The following RPS6KA2 variants were observed in gnomAD, a reference collection of about 807,000 sequenced individuals.
RPS6KA2 encodes ribosomal protein S6 kinase alpha-2.
RPS6KA2 carries 42 observed loss-of-function variants against 91.8 expected under a neutral mutation model. That is an observed-to-expected ratio of 0.46 (90% CI 0.36 to 0.59). The LOEUF (loss-of-function observed/expected upper bound fraction) is 0.59. Ranked by LOEUF, RPS6KA2 falls within the 20% of genes least tolerant of loss-of-function variation. RPS6KA2 has a pLI of 0.00. For missense variants in RPS6KA2, 798 were observed against 978.5 expected, an observed-to-expected ratio of 0.82 and a Z score of 2.46; for synonymous variants, 414 against 393.6, an observed-to-expected ratio of 1.05 and a Z score of -0.61.
At chr6:166,671,344 G>A (rs1583004869) in intron 2 of RPS6KA2, among the ~76,000 whole-genome samples, 1 of 152,082 alleles carries the variant, frequency 6.6e-6, no homozygotes, top group Non-Finnish European at 1.5e-5. Flanking sequence ...AACAAGACAC[G>A]CCAACCTGTG....
At chr6:166,644,816 G>T (rs961511433) in intron 2 of RPS6KA2, among the ~76,000 whole-genome samples, 1 of 152,128 alleles carries the variant, frequency 6.6e-6, no homozygotes, top group Non-Finnish European at 1.5e-5. Flanking sequence ...TTAACATGAG[G>T]TCATAATTGG....
chr6:166,518,444 T>G (rs188011439), intron 3 of RPS6KA2, among the ~76,000 whole-genome samples: 1 of 151,742 alleles, frequency 6.6e-6, no homozygotes, highest in Non-Finnish European at 1.5e-5. Context: ...CAAAAAAATA[T>G]GATTATCTTA....
chr6:166,441,707 C>T (rs993279118), intron 14 of RPS6KA2, among the ~76,000 whole-genome samples: 3 of 152,266 alleles, frequency 2.0e-5, no homozygotes, highest in Admixed American at 2.0e-4. Context: ...CAAGATGTAG[C>T]TTCTGCAACA....
intron 2 of RPS6KA2, among the ~76,000 whole-genome samples, chr6:166,793,881 C>G (rs1453666457): frequency 2.6e-4 from 39 of 151,376 alleles, no homozygotes; most frequent in Non-Finnish European, 3.8e-4. Context: ...TTAAATGCTA[C>G]ACCTAAAACC....
At chr6:166,791,312 T>C (rs1779081459) in intron 2 of RPS6KA2, among the ~76,000 whole-genome samples, 1 of 152,118 alleles carries the variant, frequency 6.6e-6, no homozygotes, top group Admixed American at 6.5e-5. Flanking sequence ...CAAGAAGAGC[T>C]AACTATCCTA....
chr6:166,789,952 C>T lies in RPS6KA2; in HGVS notation c.123+68248G>A, dbSNP rs1302491398. 5.9e-5 allele frequency among the ~76,000 whole-genome samples: 9 copies of T among 152,268 alleles called. No homozygotes were observed. In the East Asian group the frequency reaches 7.7e-4, roughly 13 times the overall value. On this transcript the variant is annotated intron_variant, in intron 2 of 21. Transcript: ENST00000503859. ...AAACTGGAAACTCTAAAAAGCAGAGCGCCTCTCCTCCTCCAAAGGAATGCA... is the reference window on the plus strand; with the variant it reads ...AAACTGGAAACTCTAAAAAGCAGAGTGCCTCTCCTCCTCCAAAGGAATGCA...
chr6:166,832,741 T>G (rs1259058777), intron 2 of RPS6KA2, among the ~76,000 whole-genome samples: 1 of 152,342 alleles, frequency 6.6e-6, no homozygotes, highest in Middle Eastern at 3.4e-3. Context: ...TAATTTGATC[T>G]AACTGGGGAA....
intron 2 of RPS6KA2, among the ~76,000 whole-genome samples, chr6:166,789,043 G>C (rs1779006779): frequency 6.6e-6 from 1 of 152,164 alleles, no homozygotes; most frequent in Non-Finnish European, 1.5e-5. Flanking sequence ...CCGTGCGCGA[G>C]CTGAAGCAGG....
intron 12 of RPS6KA2, among the ~76,000 whole-genome samples, chr6:166,456,019 G>A (rs113700730): frequency 7.0e-4 from 107 of 152,350 alleles, no homozygotes; most frequent in African/African-American, 2.5e-3. Flanking sequence ...AGTGTGTGCG[G>A]GGGTGGGGGC....
intron 11 of RPS6KA2, among the ~76,000 whole-genome samples, chr6:166,462,676 G>A (rs1365565918): frequency 6.6e-6 from 1 of 152,178 alleles, no homozygotes; most frequent in African/African-American, 2.4e-5. Flanking sequence ...CTAAGCCCAG[G>A]TAGTCCCGTA....
At chr6:166,725,656 G>C (rs1182902845) in intron 2 of RPS6KA2, among the ~76,000 whole-genome samples, 1 of 152,262 alleles carries the variant, frequency 6.6e-6, no homozygotes. Context: ...CCAGTGGGGG[G>C]TGGGGTGGGC....
At chr6:166,777,437 G>A (rs1429041347) in intron 2 of RPS6KA2, among the ~76,000 whole-genome samples, 1 of 152,162 alleles carries the variant, frequency 6.6e-6, no homozygotes, top group Admixed American at 6.5e-5. Flanking sequence ...AGCACAGAGA[G>A]AGGAAGTGGC....
At chr6:166,722,811 CT>C (rs1249181381) in intron 2 of RPS6KA2, among the ~76,000 whole-genome samples, 2 of 152,238 alleles carry the variant, frequency 1.3e-5, no homozygotes, top group African/African-American at 4.8e-5. Flanking sequence ...TCCAGTGACA[CT>C]TCAGTTTCCA....
At chr6:166,606,069 C>T (rs371976001) in intron 1 of RPS6KA2, among the ~76,000 whole-genome samples, 14 of 152,172 alleles carry the variant, frequency 9.2e-5, no homozygotes, top group East Asian at 7.7e-4. Context: ...GGTAGGACTG[C>T]GGGGCTGCAC....
chr6:166,432,421 T>C lies in RPS6KA2; in HGVS notation c.1402A>G (p.Asn468Asp), dbSNP rs1434269109. The C allele has an allele frequency of 8.7e-6, 14 of 1,613,048 alleles. No homozygotes were observed. The highest frequency in any genetic ancestry group is 1.2e-5 in the Non-Finnish European group (14 of 1,179,090). Residue 468 changes from asparagine (N) to aspartate (D), a missense_variant, in exon 15 of 21, where the codon AAC (asparagine) becomes GAC (aspartate). Coordinates refer to ENST00000265678, the MANE Select transcript of RPS6KA2 (RefSeq NM_021135.6). ...CTCACATCCTTGAGGGTGATGATGT[T>C]CGGGTGCTGGCCGTACCGCAGGAGG... Reference protein sequence around the residue: ...EILLRYGQHPNIITLKDVYDD... With the variant: ...EILLRYGQHPDIITLKDVYDD...
At chr6:166,684,819 G>A (rs960235137) in intron 2 of RPS6KA2, among the ~76,000 whole-genome samples, 2 of 152,174 alleles carry the variant, frequency 1.3e-5, no homozygotes, top group Admixed American at 1.3e-4. Context: ...TGTTTTCTAA[G>A]AAAAATTCTG....
rs1295670564 is a variant in RPS6KA2 at position 166,500,646 on chromosome 6, A to T, written c.604+241T>A. Among the ~76,000 whole-genome samples the T allele has an allele frequency of 6.6e-6, 1 of 152,174 alleles. No individual in the cohort carries two copies. The highest frequency in any genetic ancestry group is 2.4e-5 in the African/African-American group (1 of 41,434). Reference sequence around the variant, plus strand: ...CAGCGACGCTGAAGGAGCCCAGCAAACAGAACGTGGCAGGGGAGAGGGAAA... The same window carrying T: ...CAGCGACGCTGAAGGAGCCCAGCAATCAGAACGTGGCAGGGGAGAGGGAAA... On this transcript the variant is annotated intron_variant, in intron 7 of 20. Transcript: ENST00000265678. This position sits in a 1 kb window ranked among gnomAD's most constrained non-coding sequence, Gnocchi z 4.3.
chr6:166,735,030 T>C (rs1790637722), intron 2 of RPS6KA2, among the ~76,000 whole-genome samples: 2 of 152,208 alleles, frequency 1.3e-5, no homozygotes, highest in African/African-American at 4.8e-5. Flanking sequence ...TTAGATCCAA[T>C]TTCTGAATTA....
chr6:166,618,444 G>A (rs1786497182), intron 1 of RPS6KA2, among the ~76,000 whole-genome samples: 1 of 152,104 alleles, frequency 6.6e-6, no homozygotes, highest in Non-Finnish European at 1.5e-5. Context: ...GTATGGGTAG[G>A]GCCTGAGAAT....
Sources: allele counts gnomAD v4.1 joint callset (sites outside exome capture counted in the v4.1 genomes callset), GRCh38; gene constraint gnomAD v4.1.1; non-coding constraint Gnocchi (gnomAD v3.1); transcripts MANE v1.5; gene names NCBI Gene and HGNC (gene_info 2026-07-23, HGNC 2026-07-21).